Variants in PPP3CA observed in about 807,000 individuals in gnomAD.
PPP3CA encodes CAM-PRP catalytic subunit.
A neutral mutation model predicts 66.5 loss-of-function variants in PPP3CA; 14 were observed. The observed-to-expected ratio is 0.21, with a 90% confidence interval of 0.14 to 0.33. PPP3CA has a LOEUF of 0.33. Ranked by LOEUF, PPP3CA falls within the 10% of genes least tolerant of loss-of-function variation. The pLI, the probability that PPP3CA is intolerant of heterozygous loss-of-function variation, is 1.00. For missense variants in PPP3CA, 317 were observed against 639.5 expected, an observed-to-expected ratio of 0.50 and a Z score of 5.44; for synonymous variants, 232 against 226.2, an observed-to-expected ratio of 1.03 and a Z score of -0.23.
intron 6 of PPP3CA, among the ~76,000 whole-genome samples, 163 bp from the exon 7 acceptor site, chr4:101,083,426 C>T (rs1195086502): frequency 6.6e-6 from 1 of 152,136 alleles, no homozygotes; most frequent in East Asian, 1.9e-4. Context: ...ATCCTTGTGG[C>T]AGAAAAAGCA....
In PPP3CA at chr4:101,106,463, A is replaced by AGAAAGAAG. The variant is rs1560605247; in HGVS notation, c.384+2490_384+2491insCTTCTTTC. ...AAAGAAAGAAAGAAAGAGAAAAGAA[A>AGAAAGAAG]AGAAAAGAAAAGAAAAGAAAAGAAA... On this transcript the variant is annotated intron_variant, in intron 3 of 13. Transcript: ENST00000394854. Among the ~76,000 whole-genome samples, 228 of 33,756 alleles carry AGAAAGAAG rather than the reference A, an allele frequency of 6.8e-3. 34 individuals carry two copies. The highest frequency in any genetic ancestry group is 8.5e-3 in the Admixed American group (35 of 4,116). The allele number at this position is 33,756 out of a possible 152,430, so 22.1% of individuals were successfully genotyped here.
intron 1 of PPP3CA, chr4:101,330,519 T>C: frequency 2.1e-6 from 1 of 483,014 alleles, no homozygotes; most frequent in East Asian, 6.1e-5. Context: ...GTATGTACAT[T>C]GCTTTTTTAA....
At chr4:101,122,644 C>T (rs1722066441) in intron 2 of PPP3CA, among the ~76,000 whole-genome samples, 1 of 151,948 alleles carries the variant, frequency 6.6e-6, no homozygotes, top group African/African-American at 2.4e-5. Context: ...CAGAAAGGTG[C>T]AAATGAATCA....
At chr4:101,161,379 T>C (rs1035897766) in intron 2 of PPP3CA, among the ~76,000 whole-genome samples, 8 of 152,188 alleles carry the variant, frequency 5.3e-5, no homozygotes, top group Non-Finnish European at 8.8e-5. Context: ...CAATCACTCA[T>C]GAATTATTTC....
chr4:101,324,177 G>C (rs1485146996), intron 1 of PPP3CA, among the ~76,000 whole-genome samples: 1 of 128,918 alleles, frequency 7.8e-6, no homozygotes. Context: ...AGGAAGGAAG[G>C]AAGGAAGGAA....
intron 1 of PPP3CA, among the ~76,000 whole-genome samples, chr4:101,333,043 A>T (rs80221387): frequency 0.014 from 2,113 of 151,428 alleles, 38 homozygotes; most frequent in African/African-American, 0.04. Flanking sequence ...TATCTCATAT[A>T]CCCTGCTCAC....
At chr4:101,209,005 C>T (rs914667720) in intron 1 of PPP3CA, among the ~76,000 whole-genome samples, 1 of 152,074 alleles carries the variant, frequency 6.6e-6, no homozygotes, top group African/African-American at 2.4e-5. Flanking sequence ...AGCAACTTTC[C>T]TTTATAAAGA....
chr4:101,113,035 T>A (rs72929335), intron 2 of PPP3CA, among the ~76,000 whole-genome samples: 1 of 152,142 alleles, frequency 6.6e-6, no homozygotes, highest in East Asian at 1.9e-4. Context: ...TGATAGAGAT[T>A]GACAAGTTTG....
At chr4:101,327,620 CAG>C (rs1280005225) in intron 1 of PPP3CA, among the ~76,000 whole-genome samples, 8 of 152,066 alleles carry the variant, frequency 5.3e-5, no homozygotes, top group Non-Finnish European at 1.2e-4. Context: ...TATTTGAATA[CAG>C]ACTTACCTGA....
At chr4:101,242,304 A>C (rs1334865295) in intron 1 of PPP3CA, among the ~76,000 whole-genome samples, 1 of 152,144 alleles carries the variant, frequency 6.6e-6, no homozygotes, top group Non-Finnish European at 1.5e-5. Context: ...TTTTTTAATC[A>C]GTTATTTTTA....
chr4:101,038,010 C>T (rs755018316), intron 11 of PPP3CA, among the ~76,000 whole-genome samples: 7 of 152,196 alleles, frequency 4.6e-5, no homozygotes, highest in Non-Finnish European at 1.0e-4. Flanking sequence ...TCTGCTTAGC[C>T]TCTCTCAGAT....
Position 101,040,487 on chromosome 4 carries a change from C to A in PPP3CA, c.1236G>T (p.Val412=). The change falls in exon 11 of 14, where the codon GTG becomes GTT. Residue 412 remains valine (V), a synonymous_variant. Coordinates refer to ENST00000394854, the MANE Select transcript of PPP3CA (RefSeq NM_000944.5). ...AIGKMARVFS[V]LREESESVLT... is the part of the protein sequence containing the mutation. ...CAGAGTACGAATGCACCCACCTGAG[C>A]ACTGAGAACACTCTGGCCATTTTGC... 1 of 1,609,148 alleles carries A rather than the reference C, an allele frequency of 6.2e-7. No individual in the cohort carries two copies. Among genetic ancestry groups the A allele is most frequent in the Non-Finnish European group, 8.5e-7 (1 of 1,177,444 alleles).
rs77510082 is a variant in PPP3CA at position 101,122,809 on chromosome 4, G to T, written c.260-13731C>A. ...TTTCGAGGAGAACAATTCCTGTAAT[G>T]TTTAGGAAGATAAATCTGGTAATTC... On this transcript the variant is annotated intron_variant, in intron 2 of 13. Transcript: ENST00000394854. Among the ~76,000 whole-genome samples the T allele has an allele frequency of 4.4e-3, 666 of 152,264 alleles. 9 individuals are homozygous for T. The highest frequency in any genetic ancestry group is 0.016 in the African/African-American group (649 of 41,570).
At chr4:101,297,564 C>T (rs1728236380) in intron 1 of PPP3CA, among the ~76,000 whole-genome samples, 1 of 152,124 alleles carries the variant, frequency 6.6e-6, no homozygotes, top group Admixed American at 6.6e-5. Context: ...CCTGCGATGT[C>T]AGGAAGAGGA....
intron 1 of PPP3CA, among the ~76,000 whole-genome samples, chr4:101,198,049 A>T (rs1042198924): frequency 6.6e-6 from 1 of 152,238 alleles, no homozygotes; most frequent in East Asian, 1.9e-4. Context: ...AGTAGCTTAT[A>T]GTACAATAGA....
chr4:101,225,750 T>C (rs557964496), intron 1 of PPP3CA, among the ~76,000 whole-genome samples: 1 of 151,928 alleles, frequency 6.6e-6, no homozygotes, highest in South Asian at 2.1e-4. Flanking sequence ...TGATGACTAC[T>C]AATAGGAAAA....
At chr4:101,046,911 A>G (rs1172669852) in intron 10 of PPP3CA, among the ~76,000 whole-genome samples, 2 of 152,182 alleles carry the variant, frequency 1.3e-5, no homozygotes, top group African/African-American at 4.8e-5. Flanking sequence ...TTTGAAATAG[A>G]AGATATAATG....
intron 1 of PPP3CA, among the ~76,000 whole-genome samples, chr4:101,262,384 T>C (rs902743671): frequency 6.6e-6 from 1 of 152,114 alleles, no homozygotes; most frequent in African/African-American, 2.4e-5. Flanking sequence ...TATAAGTATA[T>C]ATAATTATTT....
intron 1 of PPP3CA, among the ~76,000 whole-genome samples, chr4:101,319,843 A>T (rs942162214): frequency 6.6e-6 from 1 of 152,208 alleles, no homozygotes; most frequent in African/African-American, 2.4e-5. Flanking sequence ...AGACCCAGCA[A>T]AAACTCTTAA....
Sources: allele counts gnomAD v4.1 joint callset (sites outside exome capture counted in the v4.1 genomes callset), GRCh38; gene constraint gnomAD v4.1.1; transcripts MANE v1.5; gene names NCBI Gene and HGNC (gene_info 2026-07-23, HGNC 2026-07-21).